The following JAKMIP2 variants were observed in gnomAD, a reference collection of about 807,000 sequenced individuals.
The protein encoded by JAKMIP2 is janus kinase and microtubule interacting protein 2.
JAKMIP2 carries 25 observed loss-of-function variants against 115.0 expected under a neutral mutation model. The ratio of observed to expected loss-of-function variants is 0.22; its 90% CI spans 0.16 to 0.30. The LOEUF (loss-of-function observed/expected upper bound fraction) is 0.30. Among genes scored for constraint, JAKMIP2 ranks in the 10% least tolerant of loss-of-function variants. The pLI is 1.00. For missense variants in JAKMIP2, 642 were observed against 957.6 expected, an observed-to-expected ratio of 0.67 and a Z score of 4.35; for synonymous variants, 334 against 343.6, an observed-to-expected ratio of 0.97 and a Z score of 0.31.
intron 1 of JAKMIP2, among the ~76,000 whole-genome samples, chr5:147,685,220 T>C (rs1378103259): frequency 6.6e-6 from 1 of 152,166 alleles, no homozygotes; most frequent in Non-Finnish European, 1.5e-5. Context: ...GTCTGTATAA[T>C]GTGCTCATTA....
At chr5:147,639,819 A>T (rs1452708571) in intron 9 of JAKMIP2, 59 bp from the exon 10 acceptor site, 9 of 1,572,090 alleles carry the variant, frequency 5.7e-6, no homozygotes, top group Non-Finnish European at 5.2e-6. Context: ...CCTGTTTTCA[A>T]TGTGAAATAT....
chr5:147,648,035 G>A (rs1005021223), intron 5 of JAKMIP2, among the ~76,000 whole-genome samples: 1 of 152,104 alleles, frequency 6.6e-6, no homozygotes, highest in African/African-American at 2.4e-5. Context: ...AGAAGCAGAA[G>A]AAGTCAGACA....
chr5:147,702,458 GAA>G lies in JAKMIP2; in HGVS notation c.-148-30506_-148-30505del, dbSNP rs1491439029. On this transcript the variant is annotated intron_variant, in intron 1 of 21. Transcript: ENST00000616793. ...GGAAGGTAGGAAGGAAGGAAGGAAG[GAA>G]GGAAGGGAGGGAGGGAAGGAAGAGA... 2.3e-3 allele frequency among the ~76,000 whole-genome samples: 291 copies of G among 126,856 alleles called. 3 individuals are homozygous for G. The highest frequency in any genetic ancestry group is 8.5e-3 in the African/African-American group (248 of 29,042). 83.2% of individuals were successfully genotyped at this position (126,856 alleles called of 152,430 possible).
chr5:147,776,851 C>G (rs1476698709), intron 1 of JAKMIP2, among the ~76,000 whole-genome samples: 2 of 152,098 alleles, frequency 1.3e-5, no homozygotes, highest in Non-Finnish European at 2.9e-5. Flanking sequence ...TCACTTGAAT[C>G]CAGCAGGGGG....
chr5:147,720,025 CT>C (rs1308422795), intron 1 of JAKMIP2, among the ~76,000 whole-genome samples: 2 of 151,952 alleles, frequency 1.3e-5, no homozygotes, highest in Non-Finnish European at 2.9e-5. Context: ...CCTTCAGGAG[CT>C]CTTTTAGGGC....
intron 1 of JAKMIP2, among the ~76,000 whole-genome samples, chr5:147,765,970 C>A (rs1755141040): frequency 6.6e-6 from 1 of 152,130 alleles, no homozygotes; most frequent in African/African-American, 2.4e-5. Context: ...ATCTTCATTA[C>A]ATTCCAACCA....
chr5:147,692,710 G>T (rs1751919859), intron 1 of JAKMIP2, among the ~76,000 whole-genome samples: 1 of 152,150 alleles, frequency 6.6e-6, no homozygotes, highest in African/African-American at 2.4e-5. Flanking sequence ...CAAGAAGAGA[G>T]TGCAGCACTT....
At chr5:147,731,642 T>C (rs1753737732) in intron 1 of JAKMIP2, among the ~76,000 whole-genome samples, 1 of 152,210 alleles carries the variant, frequency 6.6e-6, no homozygotes, top group Admixed American at 6.5e-5. Flanking sequence ...ATTATTTTCC[T>C]TTAAATTAAT....
At chr5:147,680,689 G>A (rs1308202116) in intron 1 of JAKMIP2, among the ~76,000 whole-genome samples, 2 of 152,128 alleles carry the variant, frequency 1.3e-5, no homozygotes, top group South Asian at 4.1e-4. Context: ...GTCACCTGCA[G>A]TGACATCCTG....
chr5:147,690,542 TATATA>T (rs1751786826), intron 1 of JAKMIP2, among the ~76,000 whole-genome samples: 16 of 1,746 alleles, frequency 9.2e-3, no homozygotes, highest in African/African-American at 0.021. Context: ...AAAGAGATTA[TATATA>T]TATATATATA....
At chr5:147,646,293 T>G (rs1031160074) in intron 5 of JAKMIP2, among the ~76,000 whole-genome samples, 11 of 152,202 alleles carry the variant, frequency 7.2e-5, no homozygotes, top group Non-Finnish European at 1.2e-4. Context: ...TTTTTACAAA[T>G]AATCTGACTT....
chr5:147,734,996 C>G (rs188081463), intron 1 of JAKMIP2, among the ~76,000 whole-genome samples: 3 of 152,194 alleles, frequency 2.0e-5, no homozygotes. Flanking sequence ...GAGTAAATAT[C>G]CTTTCAGTAG....
intron 3 of JAKMIP2, among the ~76,000 whole-genome samples, chr5:147,655,696 A>C (rs1177818232): frequency 1.3e-5 from 2 of 152,010 alleles, no homozygotes; most frequent in East Asian, 1.9e-4. Flanking sequence ...TATCTGCTTC[A>C]GTTCTGCTCT....
intron 1 of JAKMIP2, among the ~76,000 whole-genome samples, chr5:147,694,055 C>G (rs1357775372): frequency 6.6e-6 from 1 of 152,142 alleles, no homozygotes; most frequent in Non-Finnish European, 1.5e-5. Context: ...TCCCACATCT[C>G]CTCTCCTAAG....
At chr5:147,726,034 C>T (rs1753503903) in intron 1 of JAKMIP2, among the ~76,000 whole-genome samples, 1 of 152,148 alleles carries the variant, frequency 6.6e-6, no homozygotes, top group Admixed American at 6.5e-5. Context: ...TCTTTCTCTG[C>T]CTCTCTTAGC....
chr5:147,644,704 T>C, intron 6 of JAKMIP2, 146 bp downstream of exon 6: 2 of 675,388 alleles, frequency 3.0e-6, no homozygotes, highest in Non-Finnish European at 4.7e-6. Context: ...CTTCTCTTGC[T>C]TTCTTCATTA....
At chr5:147,777,821 C>G (rs561373553) in intron 1 of JAKMIP2, among the ~76,000 whole-genome samples, 4 of 151,332 alleles carry the variant, frequency 2.6e-5, no homozygotes, top group Admixed American at 2.6e-4. Flanking sequence ...ATACTTACAC[C>G]AGTATGTGCC....
chr5:147,613,255 T>G (rs1199611539), intron 19 of JAKMIP2, among the ~76,000 whole-genome samples: 1 of 152,230 alleles, frequency 6.6e-6, no homozygotes, highest in Non-Finnish European at 1.5e-5. Flanking sequence ...GGTTATATAA[T>G]GCAGGCTTCT....
At chr5:147,639,367 C>A (rs919729845) in intron 10 of JAKMIP2, among the ~76,000 whole-genome samples, 3 of 150,276 alleles carry the variant, frequency 2.0e-5, no homozygotes, top group Admixed American at 6.6e-5. Context: ...CCAATATTGT[C>A]TAGCTTTGAA....
Sources: gnomAD v4.1 joint callset for allele counts (sites outside exome capture counted in the v4.1 genomes callset) on GRCh38, gnomAD v4.1.1 for gene constraint, MANE v1.5 for transcripts, NCBI Gene and HGNC (gene_info 2026-07-23, HGNC 2026-07-21) for gene names.